MMP27: variants seen among roughly 807,000 people sequenced by gnomAD.
MMP27 encodes matrix metallopeptidase 27, also known as matrix metalloproteinase-27.
In MMP27, 51 loss-of-function variants were observed where a neutral mutation model predicts 48.1. That is an observed-to-expected ratio of 1.06 (90% CI 0.85 to 1.34). The LOEUF is 1.34. MMP27 is among the 40% of genes most tolerant of loss of function. MMP27 has a pLI of 0.00. For synonymous variants in MMP27, 229 were observed against 208.9 expected, an observed-to-expected ratio of 1.10 and a Z score of -0.83; for missense variants, 698 against 619.3, an observed-to-expected ratio of 1.13 and a Z score of -1.35.
At chr11:102,703,661 T>C (rs1255036741) in intron 2 of MMP27, among the ~76,000 whole-genome samples, 2 of 152,156 alleles carry the variant, frequency 1.3e-5, no homozygotes, top group Non-Finnish European at 2.9e-5. Flanking sequence ...TAGCTGGGAC[T>C]ACAGGCGCGT....
At chr11:102,695,276 C>T (rs368851137) in intron 6 of MMP27, among the ~76,000 whole-genome samples, 179 bp from the exon 7 acceptor site, 2 of 152,248 alleles carry the variant, frequency 1.3e-5, no homozygotes, top group South Asian at 4.1e-4. Context: ...TTTGGGACTT[C>T]CAAGTCCAGG....
intron 6 of MMP27, 95 bp from the exon 7 acceptor site, chr11:102,695,192 T>G: frequency 1.5e-6 from 2 of 1,342,344 alleles, no homozygotes; most frequent in Non-Finnish European, 2.1e-6. Flanking sequence ...AATTGGTTGG[T>G]ATCTTCCTCA....
chr11:102,705,762 A>C lies in MMP27; in HGVS notation c.-48T>G, dbSNP rs12418360. The C allele has an allele frequency of 0.055, 71,376 of 1,287,890 alleles. 2,376 individuals carry two copies. Among genetic ancestry groups the C allele is most frequent in the Admixed American group, 0.12 (5,506 of 46,508 alleles). 79.8% of individuals were successfully genotyped at this position (1,287,890 alleles called of 1,614,324 possible). ...CCGGTTCTGTTAGCACAGAATTTAG[A>C]AAATAATAGTGAGACGTGGCATGAA... On this transcript the variant is annotated 5_prime_UTR_variant, in exon 1 of 10. Transcript: ENST00000260229.
At chr11:102,704,879 G>A in intron 1 of MMP27, 104 bp from the exon 2 acceptor site, 3 of 662,880 alleles carry the variant, frequency 4.5e-6, no homozygotes, top group Non-Finnish European at 7.6e-6. Context: ...TCTGGCAATA[G>A]GAAAGGGGAA....
intron 1 of MMP27, 26 bp downstream of exon 1, chr11:102,705,587 A>G (rs1861032747): frequency 2.2e-6 from 3 of 1,344,282 alleles, no homozygotes; most frequent in East Asian, 2.6e-5. Flanking sequence ...ATCAATAGTC[A>G]TCGATATCAT....
At chr11:102,699,082 T>C (rs1449264562) in intron 4 of MMP27, among the ~76,000 whole-genome samples, 1 of 152,338 alleles carries the variant, frequency 6.6e-6, no homozygotes, top group East Asian at 1.9e-4. Flanking sequence ...ATGACCATAG[T>C]GCCCTTTCCA....
intron 4 of MMP27, among the ~76,000 whole-genome samples, chr11:102,698,946 G>A (rs1376764713): frequency 1.3e-5 from 2 of 152,182 alleles, no homozygotes; most frequent in African/African-American, 4.8e-5. Flanking sequence ...GTTTGTTTCT[G>A]TCACCCTGAG....
At chr11:102,696,066 G>A (rs1402645408) in intron 6 of MMP27, among the ~76,000 whole-genome samples, 1 of 152,202 alleles carries the variant, frequency 6.6e-6, no homozygotes, top group Non-Finnish European at 1.5e-5. Context: ...GTAACGGAGT[G>A]TAAGTTGGCT....
chr11:102,692,340 C>G (rs995884593), intron 9 of MMP27, among the ~76,000 whole-genome samples: 21 of 152,094 alleles, frequency 1.4e-4, no homozygotes, highest in Admixed American at 8.5e-4. Context: ...TGGCCTTGGT[C>G]TCTATATTCT....
Position 102,692,083 on chromosome 11 carries a change from C to T in MMP27, c.1298-73G>A, listed in dbSNP as rs527491143. 6 of 1,338,176 alleles carry T rather than the reference C, an allele frequency of 4.5e-6. No individual in the cohort carries two copies. In the African/African-American group the frequency reaches 7.5e-5, roughly 17 times the overall value. The allele number at this position is 1,338,176 out of a possible 1,614,324, so 82.9% of individuals were successfully genotyped here. ...CTTCCATACTTTTAAATTTTATAAA[C>T]ATGGAAAAAAATAACATTATGGAGA... On this transcript the variant is annotated intron_variant, in intron 9 of 9. Coordinates refer to ENST00000260229, the MANE Select transcript of MMP27 (RefSeq NM_022122.3).
At chr11:102,695,545 G>A (rs1591657251) in intron 6 of MMP27, among the ~76,000 whole-genome samples, 1 of 152,148 alleles carries the variant, frequency 6.6e-6, no homozygotes. Context: ...TGAATGAGAC[G>A]TGAAAAGTCC....
chr11:102,691,817 C>T lies in MMP27; in HGVS notation c.1491G>A (p.Leu497=). 1 of 1,608,248 alleles carries T rather than the reference C, an allele frequency of 6.2e-7. No individual in the cohort carries two copies. Among genetic ancestry groups the T allele is most frequent in the Non-Finnish European group, 8.5e-7 (1 of 1,176,936 alleles). ...IKILYHKSLS[L]FIFGIVHLLK... ...GCAAATGAACAATACCAAAAATAAACAAGCTTAAACTCTTATGATACAATA... is the reference window on the plus strand; with the variant it reads ...GCAAATGAACAATACCAAAAATAAATAAGCTTAAACTCTTATGATACAATA... Residue 497 remains leucine (L), a synonymous_variant, in exon 10 of 10, where the codon TTG becomes TTA. Transcript: ENST00000260229.
intron 4 of MMP27, among the ~76,000 whole-genome samples, chr11:102,699,484 A>ATACATAC (rs1565427950): frequency 2.6e-5 from 4 of 150,976 alleles, no homozygotes; most frequent in Admixed American, 1.3e-4. Context: ...TAAATAAATA[A>ATACATAC]ATACATACAT....
rs1248576963 is a variant in MMP27, at chr11:102,696,759, G to T, written c.696C>A (p.Ala232=). 2 of 1,613,682 alleles carry T rather than the reference G, an allele frequency of 1.2e-6. No individual in the cohort carries two copies. Among genetic ancestry groups the T allele is most frequent in the Non-Finnish European group, 1.7e-6 (2 of 1,179,912 alleles). The change falls in exon 5 of 10, where the codon GCC becomes GCA. Residue 232 remains alanine (A), a synonymous_variant. Coordinates refer to ENST00000260229, the MANE Select transcript of MMP27 (RefSeq NM_022122.3). ...LGLSHSNDQT[A]LMFPNYVSLD... ...GGGAGACATAATTTGGGAACATCAA[G>T]GCTGTTTGATCATTGGAGTGAGAGA...
At chr11:102,693,254 G>A (rs565558880) in intron 8 of MMP27, among the ~76,000 whole-genome samples, 132 of 152,216 alleles carry the variant, frequency 8.7e-4, no homozygotes, top group African/African-American at 3.0e-3. Context: ...GGGAAAAAGG[G>A]CACAACATAT....
intron 2 of MMP27, among the ~76,000 whole-genome samples, 192 bp downstream of exon 2, chr11:102,704,345 T>C (rs897523687): frequency 3.1e-4 from 47 of 152,228 alleles, no homozygotes; most frequent in African/African-American, 1.0e-3. Context: ...TGTTTCAGTT[T>C]CTCTGTATTT....
chr11:102,699,733 A>G (rs953975091), intron 4 of MMP27, among the ~76,000 whole-genome samples: 1 of 152,234 alleles, frequency 6.6e-6, no homozygotes, highest in African/African-American at 2.4e-5. Context: ...ACTGTTGGGA[A>G]AAATAATTCA....
intron 4 of MMP27, 48 bp from the exon 5 acceptor site, chr11:102,696,883 G>A (rs755569043): frequency 1.3e-6 from 2 of 1,568,910 alleles, no homozygotes; most frequent in South Asian, 1.2e-5. Context: ...ATCAAAAAGA[G>A]AATGGCTGCA....
rs1860737047 is a variant in MMP27 at position 102,692,099 on chromosome 11, A to G, written c.1298-89T>C. 4 of 1,238,200 alleles carry G rather than the reference A, an allele frequency of 3.2e-6. No individual in the cohort carries two copies. The Admixed American group carries it at 9.1e-5, about 28-fold the overall frequency. The allele number at this position is 1,238,200 out of a possible 1,614,324, so 76.7% of individuals were successfully genotyped here. On this transcript the variant is annotated intron_variant, in intron 9 of 9. Transcript: ENST00000260229. ...TTTTATAAACATGGAAAAAAATAAC[A>G]TTATGGAGAACGAAGAAATTTGTGG...
Sources: gnomAD v4.1 joint callset for allele counts (sites outside exome capture counted in the v4.1 genomes callset) on GRCh38, gnomAD v4.1.1 for gene constraint, MANE v1.5 for transcripts, NCBI Gene and HGNC (gene_info 2026-07-23, HGNC 2026-07-21) for gene names.